PDE7A: variants seen among roughly 807,000 people sequenced by gnomAD.
PDE7A encodes the protein phosphodiesterase 7A.
A neutral mutation model predicts 64.3 loss-of-function variants in PDE7A; 39 were observed. The observed-to-expected ratio is 0.61, with a 90% confidence interval of 0.47 to 0.79. PDE7A has a LOEUF of 0.79. Among genes scored for constraint, PDE7A ranks in the 30% least tolerant of loss-of-function variants. PDE7A has a pLI of 0.00. For synonymous variants in PDE7A, 203 were observed against 206.8 expected, an observed-to-expected ratio of 0.98 and a Z score of 0.16; for missense variants, 470 against 582.8, an observed-to-expected ratio of 0.81 and a Z score of 1.99.
At chr8:65,735,038 C>T (rs1360585226) in intron 6 of PDE7A, 144 bp from the exon 7 acceptor site, 4 of 618,822 alleles carry the variant, frequency 6.5e-6, no homozygotes, top group Non-Finnish European at 1.2e-5. Context: ...ATGATAATCA[C>T]CTCACAACTC....
intron 6 of PDE7A, among the ~76,000 whole-genome samples, chr8:65,735,660 G>A (rs1210688672): frequency 6.6e-6 from 1 of 152,014 alleles, no homozygotes; most frequent in African/African-American, 2.4e-5. Context: ...GTCTCGCTCT[G>A]TCACTCAGGC....
intron 6 of PDE7A, among the ~76,000 whole-genome samples, chr8:65,737,639 C>T (rs537668873): frequency 2.1e-4 from 32 of 152,280 alleles, no homozygotes; most frequent in African/African-American, 7.2e-4. Context: ...CTGCCTCAGC[C>T]TCCCGAGTAG....
intron 2 of PDE7A, among the ~76,000 whole-genome samples, chr8:65,782,331 A>G (rs1809442393): frequency 1.3e-5 from 2 of 152,348 alleles, no homozygotes; most frequent in South Asian, 2.1e-4. Context: ...TGACTAATAT[A>G]TAAAAAATTT....
intron 1 of PDE7A, among the ~76,000 whole-genome samples, chr8:65,812,900 A>G (rs1193952572): frequency 6.6e-6 from 1 of 152,182 alleles, no homozygotes; most frequent in Non-Finnish European, 1.5e-5. Context: ...GAAAGAAACA[A>G]CAGATACCCG....
chr8:65,725,608 C>T (rs1377481819), intron 9 of PDE7A: 1 of 152,144 alleles, frequency 6.6e-6, no homozygotes, highest in Non-Finnish European at 1.5e-5. Flanking sequence ...AAATTCTTGC[C>T]TTTTGTTTTA....
rs536431024 is a variant in PDE7A at position 65,731,980 on chromosome 8, A to G, written c.696+2814T>C. 4.0e-5 allele frequency among the ~76,000 whole-genome samples: 6 copies of G among 151,572 alleles called. 1 individual carries two copies. In the South Asian group the frequency reaches 8.3e-4, roughly 21 times the overall value. ...GGTCATTCTCTATATTATTATTATT[A>G]TTATTATTGTTGTTGTTGTTGTTGT... On this transcript the variant is annotated intron_variant, in intron 7 of 12. Transcript: ENST00000401827.
intron 3 of PDE7A, among the ~76,000 whole-genome samples, chr8:65,749,613 C>T (rs1807842061): frequency 2.0e-5 from 3 of 152,202 alleles, no homozygotes; most frequent in South Asian, 2.1e-4. Context: ...AAGCAATGTT[C>T]CAAGTGCTTT....
At chr8:65,774,865 A>G (rs148823296) in intron 3 of PDE7A, among the ~76,000 whole-genome samples, 10 of 152,326 alleles carry the variant, frequency 6.6e-5, no homozygotes, top group African/African-American at 2.4e-4. Flanking sequence ...CTGAGACATC[A>G]CACATCATGC....
At chr8:65,799,137 G>T (rs1809929029) in intron 1 of PDE7A, among the ~76,000 whole-genome samples, 1 of 152,060 alleles carries the variant, frequency 6.6e-6, no homozygotes, top group African/African-American at 2.4e-5. Flanking sequence ...TTTTTGGAGT[G>T]ACTAAAGAGT....
intron 1 of PDE7A, among the ~76,000 whole-genome samples, chr8:65,814,339 G>A (rs960989934): frequency 6.6e-6 from 1 of 150,740 alleles, no homozygotes; most frequent in South Asian, 2.1e-4. Context: ...GTGAAACCCC[G>A]TCTCTACTAA....
intron 1 of PDE7A, among the ~76,000 whole-genome samples, chr8:65,830,239 CT>C (rs140553399): frequency 0.22 from 33,464 of 149,068 alleles, 5,808 homozygotes; most frequent in African/African-American, 0.49. Flanking sequence ...CTTTTTCTTT[CT>C]TTTTTTTTTA....
chr8:65,723,302 A>G (rs757443233), intron 12 of PDE7A: 36 of 268,896 alleles, frequency 1.3e-4, no homozygotes, highest in Non-Finnish European at 2.4e-4. Context: ...TCTTATTTAC[A>G]TAAGAACAGA....
intron 1 of PDE7A, among the ~76,000 whole-genome samples, chr8:65,839,667 A>C (rs1256923097): frequency 6.6e-6 from 1 of 152,202 alleles, no homozygotes; most frequent in Non-Finnish European, 1.5e-5. Context: ...ATATGGTGTA[A>C]TTCTACAATA....
intron 12 of PDE7A, among the ~76,000 whole-genome samples, chr8:65,720,157 G>A (rs1806314532): frequency 6.6e-6 from 1 of 152,124 alleles, no homozygotes; most frequent in African/African-American, 2.4e-5. Context: ...AGTCAGAAAA[G>A]GAAAATGAGT....
chr8:65,756,508 TC>T (rs748454687), intron 3 of PDE7A, among the ~76,000 whole-genome samples: 2 of 152,104 alleles, frequency 1.3e-5, no homozygotes, highest in Non-Finnish European at 2.9e-5. Context: ...GATCCTTACT[TC>T]CCCCTGCTCA....
At position 65,841,365 on chromosome 8, in the gene PDE7A, G is replaced by T. The variant is rs1337790781; in HGVS notation, c.138+6C>A. 2.0e-6 allele frequency: 3 copies of T among 1,537,648 alleles called. No homozygotes were observed. Among genetic ancestry groups the T allele is most frequent in the Non-Finnish European group, 2.6e-6 (3 of 1,145,908 alleles). On this transcript the variant is annotated splice_donor_region_variant and intron_variant, in intron 1 of 12. Coordinates refer to ENST00000401827, the MANE Select transcript of PDE7A (RefSeq NM_001242318.3). ...CCTCAAGTGTGGGCCCGGCGGCGGC[G>T]ATTACCTGAGAGAGCTGCCGGGGAT...
At chr8:65,831,652 C>G (rs992487049) in intron 1 of PDE7A, among the ~76,000 whole-genome samples, 1 of 138,038 alleles carries the variant, frequency 7.2e-6, no homozygotes, top group African/African-American at 2.7e-5. Flanking sequence ...TATGACTTAC[C>G]AAAAAAAAAA....
chr8:65,782,958 G>T (rs1332281511), intron 1 of PDE7A, 115 bp from the exon 2 acceptor site: 3 of 639,186 alleles, frequency 4.7e-6, no homozygotes, highest in Non-Finnish European at 8.1e-6. Context: ...AGAGAAGTTG[G>T]ATACACAAAA....
chr8:65,739,539 G>A lies in PDE7A; in HGVS notation c.558C>T (p.Tyr186=), dbSNP rs866071933. The change falls in exon 6 of 13, where the codon TAC becomes TAT. Residue 186 remains tyrosine, a synonymous_variant. Transcript: ENST00000401827. The part of the protein sequence containing the change: ...HLFSLHGLIE[Y]FHLDMMKLRR... ...GAAGTTTCATCATATCTAAATGGAA[G>A]TACTCAATTAATCCATGAAGACTAA... 13 of 1,569,838 alleles carry A rather than the reference G, an allele frequency of 8.3e-6. No homozygotes were observed. Among genetic ancestry groups the A allele is most frequent in the Non-Finnish European group, 1.0e-5 (12 of 1,162,796 alleles).
Sources: allele counts gnomAD v4.1 joint callset (sites outside exome capture counted in the v4.1 genomes callset), GRCh38; gene constraint gnomAD v4.1.1; transcripts MANE v1.5; gene names NCBI Gene and HGNC (gene_info 2026-07-23, HGNC 2026-07-21).